Variants in MMD observed in about 807,000 individuals in gnomAD.
MMD encodes monocyte to macrophage differentiation associated.
In MMD, 22 loss-of-function variants were observed where a neutral mutation model predicts 33.6. The ratio of observed to expected loss-of-function variants is 0.66; its 90% CI spans 0.47 to 0.94. The LOEUF is 0.94. MMD is among the 40% of genes least tolerant of loss of function. MMD has a pLI of 0.00. For synonymous variants in MMD, 97 were observed against 103.2 expected, an observed-to-expected ratio of 0.94 and a Z score of 0.36; for missense variants, 242 against 309.8, an observed-to-expected ratio of 0.78 and a Z score of 1.64.
chr17:55,409,912 G>A (rs1598433409), intron 3 of MMD, among the ~76,000 whole-genome samples: 1 of 152,184 alleles, frequency 6.6e-6, no homozygotes, highest in Admixed American at 6.5e-5. Flanking sequence ...GTGTCCTAAG[G>A]AGCCAGGACA....
rs571694592 is a variant in MMD, at chr17:55,414,906, G to T, written c.27-674C>A. Among the ~76,000 whole-genome samples the T allele has an allele frequency of 3.9e-5, 6 of 152,188 alleles. No homozygotes were observed. In the East Asian group the frequency reaches 9.7e-4, roughly 24 times the overall value. ...AGTCTGCTTCAAAAACCAAACACAT[G>T]ACTACTACCTGATTCTTTTGGCTAT... On this transcript the variant is annotated intron_variant, in intron 1 of 6. Transcript: ENST00000262065.
chr17:55,417,973 C>T (rs1908034512), intron 1 of MMD, among the ~76,000 whole-genome samples: 1 of 152,204 alleles, frequency 6.6e-6, no homozygotes, highest in African/African-American at 2.4e-5. Flanking sequence ...TGGCATCTTT[C>T]TCTCTCTCCA....
chr17:55,407,073 A>C, intron 4 of MMD, among the ~76,000 whole-genome samples: 1 of 152,098 alleles, frequency 6.6e-6, no homozygotes, highest in East Asian at 1.9e-4. Flanking sequence ...TCACGCCTGT[A>C]ATCCCAGCAC....
intron 1 of MMD, 42 bp from the exon 2 acceptor site, chr17:55,414,274 G>A: frequency 1.3e-6 from 2 of 1,586,282 alleles, no homozygotes; most frequent in Non-Finnish European, 1.7e-6. Context: ...AACTCAAAGT[G>A]TGTGAAGAAC....
chr17:55,405,061 C>CA (rs879706110), intron 4 of MMD, among the ~76,000 whole-genome samples: 8 of 149,636 alleles, frequency 5.3e-5, no homozygotes, highest in Non-Finnish European at 1.2e-4. Flanking sequence ...GACTCTGTCT[C>CA]AAAAAAAATA....
At chr17:55,415,617 G>C (rs1907937987) in intron 1 of MMD, among the ~76,000 whole-genome samples, 1 of 152,208 alleles carries the variant, frequency 6.6e-6, no homozygotes, top group African/African-American at 2.4e-5. Context: ...CCCTGAGTTA[G>C]GAAGAGCCTG....
chr17:55,413,681 T>G (rs1907850848), intron 2 of MMD, among the ~76,000 whole-genome samples: 1 of 152,144 alleles, frequency 6.6e-6, no homozygotes, highest in Non-Finnish European at 1.5e-5. Context: ...ACATCTCCTC[T>G]GGGAAGCAAT....
chr17:55,395,379 T>C (rs1220707243), intron 6 of MMD, among the ~76,000 whole-genome samples: 1 of 152,220 alleles, frequency 6.6e-6, no homozygotes, highest in African/African-American at 2.4e-5. Flanking sequence ...AGACAGGTTC[T>C]GCAGAGTGAA....
At chr17:55,394,597 A>G in intron 6 of MMD, 63 bp from the exon 7 acceptor site, 2 of 1,268,942 alleles carry the variant, frequency 1.6e-6, no homozygotes, top group Non-Finnish European at 2.1e-6. Flanking sequence ...AGCTACAGAT[A>G]ACTGTAATTC....
chr17:55,414,153 C>T lies in MMD; in HGVS notation c.106G>A (p.Ala36Thr), dbSNP rs1278707528. Reference sequence around the variant, plus strand: ...AATGGTGGAAAACTTGTACTCACTGCGTGTGTGTAACAGTTAGCAGCATGT... The same window carrying T: ...AATGGTGGAAAACTTGTACTCACTGTGTGTGTGTAACAGTTAGCAGCATGT... The part of the protein sequence containing the change: ...YEHAANCYTH[A>T]FLIVPAIVGS... Residue 36 changes from alanine to threonine, a missense_variant and splice_region_variant, in exon 2 of 7, where the codon GCA (alanine) becomes ACA (threonine). Ala to Thr is a moderately conservative substitution (Grantham distance 58, BLOSUM62 0). Coordinates refer to ENST00000262065, the MANE Select transcript of MMD (RefSeq NM_012329.3). 3.1e-6 allele frequency: 5 copies of T among 1,613,608 alleles called. No homozygotes were observed. The highest frequency in any genetic ancestry group is 1.1e-5 in the South Asian group (1 of 91,072).
intron 1 of MMD, chr17:55,420,384 C>T (rs1908132925): frequency 6.6e-6 from 1 of 152,200 alleles, no homozygotes. Context: ...GTATGAAGTT[C>T]CACTGGGGGA....
At chr17:55,412,490 T>C (rs1465938959) in intron 2 of MMD, among the ~76,000 whole-genome samples, 1 of 152,226 alleles carries the variant, frequency 6.6e-6, no homozygotes, top group Non-Finnish European at 1.5e-5. Flanking sequence ...TGTATGACTA[T>C]GACTAGTAAA....
intron 6 of MMD, among the ~76,000 whole-genome samples, chr17:55,395,920 C>A (rs142033523): frequency 2.6e-5 from 4 of 152,164 alleles, no homozygotes; most frequent in Non-Finnish European, 5.9e-5. Context: ...CACAGGGACT[C>A]CCAAATAGTA....
intron 6 of MMD, among the ~76,000 whole-genome samples, chr17:55,398,111 C>CAAAAAAA (rs57881926): frequency 2.3e-4 from 30 of 132,060 alleles, no homozygotes; most frequent in African/African-American, 6.5e-4. Context: ...ATTATTTCTT[C>CAAAAAAA]AAAAAAAAAA....
chr17:55,398,412 T>G (rs1022136953), intron 6 of MMD, among the ~76,000 whole-genome samples: 1 of 151,980 alleles, frequency 6.6e-6, no homozygotes, highest in South Asian at 2.1e-4. Context: ...CCTCATCTGT[T>G]TTAAACTCCC....
intron 6 of MMD, among the ~76,000 whole-genome samples, chr17:55,398,827 T>C (rs1451832487): frequency 1.3e-5 from 2 of 152,220 alleles, no homozygotes; most frequent in Non-Finnish European, 1.5e-5. Context: ...GCACCATCTC[T>C]GAACTCTGCT....
chr17:55,421,068 T>C (rs1908166643), intron 1 of MMD, among the ~76,000 whole-genome samples: 1 of 152,216 alleles, frequency 6.6e-6, no homozygotes, highest in South Asian at 2.1e-4. Context: ...CCTGGGACGT[T>C]CAGCTGGAGA....
In MMD at chr17:55,394,337, T is replaced by C. The variant is rs760853100; in HGVS notation, c.714A>G (p.Leu238=). The C allele has an allele frequency of 7.3e-7, 1 of 1,373,130 alleles. No individual in the cohort carries two copies. Among genetic ancestry groups the C allele is most frequent in the Non-Finnish European group, 9.5e-7 (1 of 1,056,280 alleles). The allele number at this position is 1,373,130 out of a possible 1,614,324, so 85.1% of individuals were successfully genotyped here. ...TTGGAGAATTAGTACAGATTGGTCATAAATGCCGCATAAAGTCCGTAGGAC... is the reference window on the plus strand; with the variant it reads ...TTGGAGAATTAGTACAGATTGGTCACAAATGCCGCATAAAGTCCGTAGGAC... ...YRSPTDFMRH[L] The change falls in exon 7 of 7, where the codon TTA becomes TTG. Residue 238 remains leucine, a synonymous_variant. Coordinates refer to ENST00000262065, the MANE Select transcript of MMD (RefSeq NM_012329.3).
chr17:55,420,608 A>G (rs910534735), intron 1 of MMD: 1 of 152,212 alleles, frequency 6.6e-6, no homozygotes, highest in Non-Finnish European at 1.5e-5. Context: ...TGTGTACTTT[A>G]AAATTCTGAA....
Sources: gnomAD v4.1 joint callset for allele counts (sites outside exome capture counted in the v4.1 genomes callset) on GRCh38, gnomAD v4.1.1 for gene constraint, MANE v1.5 for transcripts, NCBI Gene and HGNC (gene_info 2026-07-23, HGNC 2026-07-21) for gene names.